SNRPB2: variants seen among roughly 807,000 people sequenced by gnomAD.
SNRPB2 encodes small nuclear ribonucleoprotein polypeptide B2.
A neutral mutation model predicts 26.3 loss-of-function variants in SNRPB2; 16 were observed. The ratio of observed to expected loss-of-function variants is 0.61; its 90% confidence interval spans 0.41 to 0.92. The LOEUF is 0.92. SNRPB2 is among the 40% of genes least tolerant of loss of function. The pLI is 0.00. For synonymous variants in SNRPB2, 75 were observed against 89.0 expected (o/e 0.84, Z 0.88); for missense variants, 179 against 268.1 (o/e 0.67, Z 2.32).
chr20:16,730,033 T>A lies in SNRPB2; in HGVS notation c.-167T>A, dbSNP rs1338826201. The A allele has an allele frequency of 6.6e-6, 1 of 152,460 alleles. No homozygotes were observed. The highest frequency in any genetic ancestry group is 1.9e-4 in the East Asian group (1 of 5,198). 9.4% of individuals were successfully genotyped at this position (152,460 alleles called of 1,614,324 possible). ...CGGTGCCTGGCTCCGTTTCCTGCTT[T>A]TGGTTCTTACAGTAGTCGGCGTAGG... On this transcript the variant is annotated 5_prime_UTR_variant, in exon 1 of 7. In the 5' UTR this introduces an upstream ATG that the reference lacks. Transcript: ENST00000246071.
chr20:16,732,534 T>C (rs2072399795), intron 3 of SNRPB2, 198 bp downstream of exon 3: 1 of 403,490 alleles, frequency 2.5e-6, no homozygotes, highest in Non-Finnish European at 4.4e-6. Flanking sequence ...ACAAAATACA[T>C]TGAGATGTAG....
At chr20:16,735,282 A>G (rs1288128827) in intron 3 of SNRPB2, among the ~76,000 whole-genome samples, 1 of 152,206 alleles carries the variant, frequency 6.6e-6, no homozygotes, top group Non-Finnish European at 1.5e-5. Context: ...AAAATTTTGC[A>G]TACCTATTGT....
intron 3 of SNRPB2, among the ~76,000 whole-genome samples, chr20:16,732,876 C>G (rs2072402007): frequency 6.6e-6 from 1 of 152,192 alleles, no homozygotes; most frequent in Non-Finnish European, 1.5e-5. Context: ...AGATTCACAT[C>G]TAGCTGCTGG....
intron 1 of SNRPB2, chr20:16,730,702 G>A (rs1412112681): frequency 1.3e-5 from 2 of 152,182 alleles, no homozygotes; most frequent in East Asian, 3.9e-4. Flanking sequence ...ACATACAGTG[G>A]ATGCTCTGTA....
chr20:16,734,499 C>T (rs1310990545), intron 3 of SNRPB2, among the ~76,000 whole-genome samples: 2 of 152,188 alleles, frequency 1.3e-5, no homozygotes, highest in Admixed American at 1.3e-4. Context: ...CTAAGGGCTT[C>T]GTCATGAAAA....
intron 3 of SNRPB2, among the ~76,000 whole-genome samples, chr20:16,735,693 C>G (rs546740316): frequency 6.6e-6 from 1 of 152,110 alleles, no homozygotes. Flanking sequence ...GTTTTTGAAC[C>G]CTTCCCTGTT....
chr20:16,734,709 T>C (rs529195223), intron 3 of SNRPB2, among the ~76,000 whole-genome samples: 2 of 152,314 alleles, frequency 1.3e-5, no homozygotes, highest in Admixed American at 1.3e-4. Flanking sequence ...AGGATGCCAG[T>C]AGCATAACAA....
chr20:16,733,117 G>A (rs1178351292), intron 3 of SNRPB2, among the ~76,000 whole-genome samples: 1 of 152,178 alleles, frequency 6.6e-6, no homozygotes, highest in Non-Finnish European at 1.5e-5. Context: ...CCAAGGGCCA[G>A]GGTTTAGAGG....
chr20:16,739,528 G>A (rs2072449731), intron 5 of SNRPB2, among the ~76,000 whole-genome samples: 1 of 151,862 alleles, frequency 6.6e-6, no homozygotes, highest in South Asian at 2.1e-4. Flanking sequence ...AGAATTCTCT[G>A]TACCACTGAG....
chr20:16,731,866 G>A lies in SNRPB2; in HGVS notation c.64+100G>A, dbSNP rs1003247882. ...CAAAACCTCTTACCTCATCATCTTAGTGCCTGAAATAATGGTTTATCCCAT... is the reference window on the plus strand; with the variant it reads ...CAAAACCTCTTACCTCATCATCTTAATGCCTGAAATAATGGTTTATCCCAT... On this transcript the variant is annotated intron_variant, in intron 2 of 6. Coordinates refer to ENST00000246071, the MANE Select transcript of SNRPB2 (RefSeq NM_003092.5). 7 of 1,537,514 alleles carry A rather than the reference G, an allele frequency of 4.6e-6. No homozygotes were observed. In the Admixed American group the frequency reaches 1.5e-4, roughly 32 times the overall value.
chr20:16,740,545 A>G, intron 6 of SNRPB2, 132 bp downstream of exon 6: 9 of 1,436,512 alleles, frequency 6.3e-6, no homozygotes, highest in East Asian at 2.4e-5. Flanking sequence ...GGGATGAATC[A>G]TGAATTGGAG....
intron 2 of SNRPB2, 77 bp downstream of exon 2, chr20:16,731,843 A>C (rs1465066411): frequency 1.8e-5 from 29 of 1,590,968 alleles, no homozygotes; most frequent in Non-Finnish European, 2.5e-5. Flanking sequence ...TACTGCCTCA[A>C]AACCTCTTAC....
chr20:16,740,484 A>G (rs1300036781), intron 6 of SNRPB2, 71 bp downstream of exon 6: 8 of 1,581,436 alleles, frequency 5.1e-6, no homozygotes, highest in Non-Finnish European at 6.9e-6. Context: ...CCGTGGGTTG[A>G]ATCCATTTAT....
At chr20:16,737,509 T>C (rs1426372664) in intron 4 of SNRPB2, 108 bp downstream of exon 4, 6 of 989,960 alleles carry the variant, frequency 6.1e-6, no homozygotes, top group African/African-American at 1.7e-5. Flanking sequence ...TGTGCATAAA[T>C]GTGTGTTTAA....
chr20:16,739,015 C>T lies in SNRPB2; in HGVS notation c.429+113C>T, dbSNP rs977792840. ...ACAAAATGATTTCATCTACAAGACA[C>T]AGTGCGTTAAATTGTCTGCCACTGC... On this transcript the variant is annotated intron_variant, in intron 5 of 6. Coordinates refer to ENST00000246071, the MANE Select transcript of SNRPB2 (RefSeq NM_003092.5). The T allele has an allele frequency of 1.7e-5, 12 of 713,168 alleles. No homozygotes were observed. The African/African-American group carries it at 2.1e-4, about 13-fold the overall frequency. 44.2% of individuals were successfully genotyped at this position (713,168 alleles called of 1,614,324 possible). A position where few individuals can be genotyped will look rare whatever the true frequency, so the allele number is the denominator to read the frequency against.
In SNRPB2 at chr20:16,742,015, A is replaced by G. The variant is rs1479227669; in HGVS notation, c.*1010A>G. 1 of 152,148 alleles carries G rather than the reference A, an allele frequency of 6.6e-6. No individual in the cohort carries two copies. 9.4% of individuals were successfully genotyped at this position (152,148 alleles called of 1,614,324 possible). A position where few individuals can be genotyped will look rare whatever the true frequency, so the allele number is the denominator to read the frequency against. On this transcript the variant is annotated 3_prime_UTR_variant, in exon 7 of 7. Transcript: ENST00000246071. Reference sequence around the variant, plus strand: ...TTCCTGTTTTAGTATTCCTTGAACAAAACCTTTATCACTTGGAATTTTTAT... The same window carrying G: ...TTCCTGTTTTAGTATTCCTTGAACAGAACCTTTATCACTTGGAATTTTTAT...
intron 1 of SNRPB2, chr20:16,730,564 CT>C (rs2072382944): frequency 6.6e-6 from 1 of 152,198 alleles, no homozygotes; most frequent in African/African-American, 2.4e-5. Flanking sequence ...TTTGCGACCC[CT>C]GCCCCTTCTC....
chr20:16,737,507 A>C, intron 4 of SNRPB2, 106 bp downstream of exon 4: 2 of 998,522 alleles, frequency 2.0e-6, no homozygotes, highest in Non-Finnish European at 2.8e-6. Context: ...TATGTGCATA[A>C]ATGTGTGTTT....
At chr20:16,734,883 A>C (rs1173872868) in intron 3 of SNRPB2, among the ~76,000 whole-genome samples, 1 of 152,218 alleles carries the variant, frequency 6.6e-6, no homozygotes, top group Non-Finnish European at 1.5e-5. Flanking sequence ...CCGAAGATCT[A>C]TTCAGGTCAG....
Sources: gnomAD v4.1 joint callset for allele counts (sites outside exome capture counted in the v4.1 genomes callset) on GRCh38, gnomAD v4.1.1 for gene constraint, MANE v1.5 for transcripts, NCBI Gene and HGNC (gene_info 2026-07-23, HGNC 2026-07-21) for gene names.